ANGPT1: variants seen among roughly 807,000 people sequenced by gnomAD.
The protein encoded by ANGPT1 is angiopoietin 1.
ANGPT1 carries 17 observed loss-of-function variants against 62.2 expected under a neutral mutation model. That is an observed-to-expected ratio of 0.27 (90% CI 0.19 to 0.41). The LOEUF is 0.41. ANGPT1 is among the 10% of genes least tolerant of loss of function. The pLI is 1.00. For synonymous variants in ANGPT1, 199 were observed against 198.9 expected, an observed-to-expected ratio of 1.00 and a Z score of 0.00; for missense variants, 478 against 594.9, an observed-to-expected ratio of 0.80 and a Z score of 2.04.
chr8:107,262,268 C>T (rs1315154221), intron 8 of ANGPT1, among the ~76,000 whole-genome samples: 1 of 152,216 alleles, frequency 6.6e-6, no homozygotes, highest in Non-Finnish European at 1.5e-5. Flanking sequence ...ATGAAGATAA[C>T]ATCAACCTAA....
intron 1 of ANGPT1, among the ~76,000 whole-genome samples, chr8:107,427,426 T>C (rs749157392): frequency 8.5e-5 from 13 of 152,170 alleles, no homozygotes; most frequent in Non-Finnish European, 1.9e-4. Flanking sequence ...CTGAACCTCA[T>C]CTGTCCTGCC....
At chr8:107,333,992 G>GGAAGGAA (rs1563573969) in intron 3 of ANGPT1, among the ~76,000 whole-genome samples, 71 of 27,212 alleles carry the variant, frequency 2.6e-3, no homozygotes, top group Non-Finnish European at 4.3e-3. Context: ...GAGGGAGGGA[G>GGAAGGAA]GGAGGGAAGG....
chr8:107,373,937 C>T (rs1255005817), intron 1 of ANGPT1, among the ~76,000 whole-genome samples: 1 of 152,190 alleles, frequency 6.6e-6, no homozygotes, highest in Non-Finnish European at 1.5e-5. Flanking sequence ...TATGCTAGCA[C>T]TCAACTCGTG....
chr8:107,367,856 C>G (rs1816308646), intron 1 of ANGPT1, among the ~76,000 whole-genome samples: 1 of 152,206 alleles, frequency 6.6e-6, no homozygotes, highest in Non-Finnish European at 1.5e-5. Flanking sequence ...ACTTCTAATT[C>G]TAATTCTCTT....
intron 3 of ANGPT1, among the ~76,000 whole-genome samples, chr8:107,325,342 A>T (rs567096982): frequency 6.6e-6 from 1 of 152,336 alleles, no homozygotes; most frequent in Admixed American, 6.5e-5. Context: ...ATCAGAGGCA[A>T]GATGCCCATA....
intron 1 of ANGPT1, among the ~76,000 whole-genome samples, chr8:107,438,446 A>C (rs1288308508): frequency 6.6e-6 from 1 of 152,178 alleles, no homozygotes; most frequent in Admixed American, 6.5e-5. Context: ...AAATAGTTTG[A>C]ATCTTTCTAT....
intron 4 of ANGPT1, among the ~76,000 whole-genome samples, chr8:107,309,639 AC>A (rs775576314): frequency 2.6e-5 from 4 of 152,204 alleles, no homozygotes; most frequent in Non-Finnish European, 4.4e-5. Flanking sequence ...TTTACCAATG[AC>A]TTTATAAACA....
chr8:107,302,937 G>A (rs1343188897), intron 5 of ANGPT1, among the ~76,000 whole-genome samples: 1 of 151,848 alleles, frequency 6.6e-6, no homozygotes. Flanking sequence ...ATAGACTCAC[G>A]GTAGACATGA....
At position 107,283,062 on chromosome 8, in the gene ANGPT1, A is replaced by G. The variant is rs143280535; in HGVS notation, c.1205+1620T>C. Among the ~76,000 whole-genome samples, 57 of 152,200 alleles carry G rather than the reference A, an allele frequency of 3.7e-4. No homozygotes were observed. The East Asian group carries it at 0.011, about 28-fold the overall frequency. On this transcript the variant is annotated intron_variant, in intron 7 of 8. Coordinates refer to ENST00000517746, the MANE Select transcript of ANGPT1 (RefSeq NM_001146.5). ...ATGAAAAACTGAGAGACATTTTGGA[A>G]AGGAACCAAAGCAAATTCTTCAGGA...
chr8:107,356,960 T>C (rs1816059845), intron 1 of ANGPT1, among the ~76,000 whole-genome samples: 1 of 152,222 alleles, frequency 6.6e-6, no homozygotes, highest in Non-Finnish European at 1.5e-5. Flanking sequence ...ACATATGTTG[T>C]ATGTACGTAT....
At chr8:107,261,271 A>AT (rs1316169122) in intron 8 of ANGPT1, among the ~76,000 whole-genome samples, 2 of 35,864 alleles carry the variant, frequency 5.6e-5, no homozygotes, top group African/African-American at 1.1e-4. Flanking sequence ...TGTGTGTACC[A>AT]TTTAAAAAAA....
At chr8:107,388,427 T>A (rs1816774233) in intron 1 of ANGPT1, among the ~76,000 whole-genome samples, 2 of 121,638 alleles carry the variant, frequency 1.6e-5, no homozygotes, top group Admixed American at 1.7e-4. Flanking sequence ...AATTATTTTT[T>A]AATAAAAATA....
chr8:107,384,486 A>G (rs920153586), intron 1 of ANGPT1, among the ~76,000 whole-genome samples: 7 of 152,074 alleles, frequency 4.6e-5, no homozygotes, highest in African/African-American at 1.4e-4. Context: ...GAGAAGTTCT[A>G]TGTTTTTACT....
At chr8:107,346,595 A>C (rs1009344570) in intron 2 of ANGPT1, among the ~76,000 whole-genome samples, 1 of 152,198 alleles carries the variant, frequency 6.6e-6, no homozygotes, top group Admixed American at 6.5e-5. Context: ...AAAACAAAAC[A>C]GGTCAAAAAT....
chr8:107,387,575 G>A (rs561088180), intron 1 of ANGPT1, among the ~76,000 whole-genome samples: 15 of 151,968 alleles, frequency 9.9e-5, no homozygotes, highest in East Asian at 1.9e-4. Context: ...ACGATAGCAC[G>A]AATCATACTA....
chr8:107,278,872 T>C (rs572600967), intron 7 of ANGPT1, among the ~76,000 whole-genome samples: 6 of 152,334 alleles, frequency 3.9e-5, no homozygotes, highest in Middle Eastern at 3.4e-3. Context: ...TTTGGTTTCT[T>C]AGATTTTCAC....
chr8:107,373,978 G>T (rs1375170208), intron 1 of ANGPT1, among the ~76,000 whole-genome samples: 1 of 152,222 alleles, frequency 6.6e-6, no homozygotes, highest in Non-Finnish European at 1.5e-5. Flanking sequence ...AAAGTCAGCT[G>T]TTTGGTTCCC....
Position 107,433,185 on chromosome 8 carries a change from G to A in ANGPT1, c.297+64077C>T, listed in dbSNP as rs74474084. Reference sequence around the variant, plus strand: ...TTGGGCTGGTTGTTTTTTTCATTTTGTGCTAATGAGTCCCAAAATATAGAA... The same window carrying A: ...TTGGGCTGGTTGTTTTTTTCATTTTATGCTAATGAGTCCCAAAATATAGAA... On this transcript the variant is annotated intron_variant, in intron 1 of 8. Coordinates refer to ENST00000517746, the MANE Select transcript of ANGPT1 (RefSeq NM_001146.5). Among the ~76,000 whole-genome samples, 338 of 152,052 alleles carry A rather than the reference G, an allele frequency of 2.2e-3. 2 individuals carry two copies. The highest frequency in any genetic ancestry group is 7.7e-3 in the African/African-American group (321 of 41,504).
chr8:107,274,935 G>A (rs114915776), intron 7 of ANGPT1, among the ~76,000 whole-genome samples: 90 of 152,226 alleles, frequency 5.9e-4, no homozygotes, highest in African/African-American at 2.1e-3. Context: ...CCAGTGTGAT[G>A]TGTACTCTGA....
Sources: gnomAD v4.1 joint callset for allele counts (sites outside exome capture counted in the v4.1 genomes callset) on GRCh38, gnomAD v4.1.1 for gene constraint, MANE v1.5 for transcripts, NCBI Gene and HGNC (gene_info 2026-07-23, HGNC 2026-07-21) for gene names.